Variants in DISC1 observed in about 807,000 individuals in gnomAD.
DISC1 encodes DISC1 scaffold protein.
Under a neutral mutation model 84.5 loss-of-function variants are expected in DISC1, and 57 were observed. That is an observed-to-expected ratio of 0.67 (90% CI 0.55 to 0.84). DISC1 has a LOEUF of 0.84. DISC1 is among the 40% of genes least tolerant of loss of function. The pLI is 0.00. For synonymous variants in DISC1, 411 were observed against 415.2 expected, an observed-to-expected ratio of 0.99 and a Z score of 0.12; for missense variants, 1,000 against 1,057.8, an observed-to-expected ratio of 0.95 and a Z score of 0.76.
Position 231,754,334 on chromosome 1 carries a change from T to C in DISC1, c.1268+4258T>C, listed in dbSNP as rs148196209. ...TCTGCAGGATGTACAGGAAGCATGA[T>C]CTGGCATCTGCTCTGGCTTCTGGGG... On this transcript the variant is annotated intron_variant, in intron 4 of 12. Coordinates refer to ENST00000439617, the MANE Select transcript of DISC1 (RefSeq NM_018662.3). 2.2e-3 allele frequency among the ~76,000 whole-genome samples: 341 copies of C among 152,320 alleles called. 3 individuals carry two copies. Among genetic ancestry groups the C allele is most frequent in the African/African-American group, 7.8e-3 (326 of 41,580 alleles).
intron 9 of DISC1, among the ~76,000 whole-genome samples, chr1:231,888,596 G>A (rs7550677): frequency 0.16 from 23,766 of 151,612 alleles, 2,041 homozygotes; most frequent in East Asian, 0.35. Context: ...AAAATTAGCC[G>A]GGCATGGTGG....
At chr1:231,786,810 C>A (rs1200066160) in intron 6 of DISC1, among the ~76,000 whole-genome samples, 3 of 152,132 alleles carry the variant, frequency 2.0e-5, no homozygotes, top group Non-Finnish European at 4.4e-5. Context: ...CTGCTTGGGC[C>A]TAGAGGTATG....
chr1:231,626,923 G>C lies in DISC1; in HGVS notation c.56G>C (p.Ser19Thr). The change falls in exon 1 of 13, where the codon AGC becomes ACC. Residue 19 changes from serine (S) to threonine (T), a missense_variant. This residue lies in a region of DISC1 where 292 missense variants were observed against 280.2 expected (regional missense o/e 1.04). Transcript: ENST00000439617. ...APAAAGGGGVSHRAGSRDCLP... is the reference protein window; with the variant it reads ...APAAAGGGGVTHRAGSRDCLP... ...GCCGCCGCCGGCGGCGGCGGCGTGA[G>C]CCACCGCGCAGGTAGGGGAGCTGCC... 1 of 1,504,184 alleles carries C rather than the reference G, an allele frequency of 6.6e-7. No homozygotes were observed. Among genetic ancestry groups the C allele is most frequent in the South Asian group, 1.2e-5 (1 of 81,312 alleles). The allele number at this position is 1,504,184 out of a possible 1,614,324, so 93.2% of individuals were successfully genotyped here.
chr1:231,944,586 G>T (rs1049678035), intron 9 of DISC1, among the ~76,000 whole-genome samples: 1 of 152,112 alleles, frequency 6.6e-6, no homozygotes, highest in Non-Finnish European at 1.5e-5. Flanking sequence ...AGCATCCAGG[G>T]TGTTAAACTC....
chr1:231,692,889 TA>T (rs1267026575), intron 1 of DISC1, among the ~76,000 whole-genome samples: 11 of 152,240 alleles, frequency 7.2e-5, no homozygotes, highest in Non-Finnish European at 1.3e-4. Flanking sequence ...TGAATGAAAT[TA>T]ATGTAAATTA....
chr1:231,934,735 G>C (rs1426667742), intron 9 of DISC1, among the ~76,000 whole-genome samples: 2 of 152,244 alleles, frequency 1.3e-5, no homozygotes, highest in African/African-American at 4.8e-5. Context: ...ATTTTGATCA[G>C]GTGGACAAAT....
At chr1:231,679,120 G>A (rs1484091042) in intron 1 of DISC1, among the ~76,000 whole-genome samples, 1 of 152,252 alleles carries the variant, frequency 6.6e-6, no homozygotes, top group Non-Finnish European at 1.5e-5. Flanking sequence ...TTCCTGGCCA[G>A]TTTGTGCCTG....
intron 1 of DISC1, among the ~76,000 whole-genome samples, chr1:231,649,031 T>G (rs2125263698): frequency 6.6e-6 from 1 of 152,346 alleles, no homozygotes; most frequent in East Asian, 1.9e-4. Context: ...ATTGATTTTT[T>G]GAAGGGTTTT....
At chr1:231,689,333 T>C (rs1019559867) in intron 1 of DISC1, among the ~76,000 whole-genome samples, 1 of 152,004 alleles carries the variant, frequency 6.6e-6, no homozygotes, top group African/African-American at 2.4e-5. Context: ...GTGTCTTTTT[T>C]TTTTGTTGTT....
intron 1 of DISC1, chr1:231,670,808 G>A (rs1228168591): frequency 6.6e-6 from 1 of 152,174 alleles, no homozygotes; most frequent in Non-Finnish European, 1.5e-5. Flanking sequence ...CAAGTCCATT[G>A]TCATGATTTA....
intron 1 of DISC1, among the ~76,000 whole-genome samples, chr1:231,690,861 C>T (rs888510050): frequency 2.0e-5 from 3 of 152,158 alleles, no homozygotes; most frequent in African/African-American, 7.2e-5. Context: ...GCTATTCAGG[C>T]CACCTTCTGG....
intron 10 of DISC1, among the ~76,000 whole-genome samples, chr1:231,967,246 A>G (rs1319149912): frequency 6.6e-6 from 1 of 152,202 alleles, no homozygotes; most frequent in Non-Finnish European, 1.5e-5. Context: ...CCTGTGTGTC[A>G]TGGCCAAAAG....
At position 232,028,590 on chromosome 1, in the gene DISC1, GT is replaced by G. The variant is rs1389962389; in HGVS notation, c.2425+2039del. On this transcript the variant is annotated intron_variant, in intron 12 of 12. Coordinates refer to ENST00000439617, the MANE Select transcript of DISC1 (RefSeq NM_018662.3). ...TCTTTAAGCATTAGGGTTCCCATCTGTAATGTCAGGATAACATACACCTCTA... is the reference window on the plus strand; with the variant it reads ...TCTTTAAGCATTAGGGTTCCCATCTGAATGTCAGGATAACATACACCTCTA... 7.2e-5 allele frequency among the ~76,000 whole-genome samples: 11 copies of G among 152,262 alleles called. No homozygotes were observed. The East Asian group carries it at 2.1e-3, about 29-fold the overall frequency.
At chr1:231,664,058 C>CCATT (rs2061794801) in intron 1 of DISC1, among the ~76,000 whole-genome samples, 2 of 151,884 alleles carry the variant, frequency 1.3e-5, no homozygotes, top group Non-Finnish European at 2.9e-5. Context: ...ATCCATCCAT[C>CCATT]CATCCATCCA....
chr1:231,938,621 C>T (rs1403461482), intron 9 of DISC1, among the ~76,000 whole-genome samples: 1 of 152,188 alleles, frequency 6.6e-6, no homozygotes, highest in African/African-American at 2.4e-5. Flanking sequence ...CCGAGTCCTT[C>T]TGTGTTGGAC....
At chr1:231,871,076 C>T (rs898914769) in intron 9 of DISC1, among the ~76,000 whole-genome samples, 21 of 152,072 alleles carry the variant, frequency 1.4e-4, no homozygotes, top group Admixed American at 4.6e-4. Context: ...ATACTGTGTG[C>T]GGGTCTCCAC....
chr1:231,694,717 C>G lies in DISC1; in HGVS notation c.959C>G (p.Ser320Ter). ...AGCGGDGSSG[S>*]GDAHSWDTLL... Reference sequence around the variant, plus strand: ...TGTGGTGGTGATGGGAGCAGCGGCTCAGGGGATGCCCACTCTTGGGACACC... The same window carrying G: ...TGTGGTGGTGATGGGAGCAGCGGCTGAGGGGATGCCCACTCTTGGGACACC... The change falls in exon 2 of 13, where the codon TCA (serine) becomes TGA (stop). Residue 320 changes from serine (S) to a stop codon, truncating the protein, a stop_gained. Transcript: ENST00000439617. LOFTEE classifies it high-confidence loss of function. The G allele has an allele frequency of 6.2e-7, 1 of 1,614,160 alleles. No individual in the cohort carries two copies. Among genetic ancestry groups the G allele is most frequent in the Non-Finnish European group, 8.5e-7 (1 of 1,180,034 alleles).
At chr1:231,758,851 G>T (rs911695425) in intron 4 of DISC1, among the ~76,000 whole-genome samples, 1 of 152,064 alleles carries the variant, frequency 6.6e-6, no homozygotes, top group Admixed American at 6.6e-5. Flanking sequence ...TTTTCCACTG[G>T]ATCTTCACCA....
At chr1:231,710,005 A>G (rs560178757) in intron 3 of DISC1, among the ~76,000 whole-genome samples, 12 of 152,148 alleles carry the variant, frequency 7.9e-5, no homozygotes, top group Non-Finnish European at 1.8e-4. Context: ...CTTGGCCCTA[A>G]GACCTCAGCT....
Sources: allele counts gnomAD v4.1 joint callset (sites outside exome capture counted in the v4.1 genomes callset), GRCh38; gene constraint gnomAD v4.1.1; regional missense constraint gnomAD v4.1.1; transcripts MANE v1.5; gene names NCBI Gene and HGNC (gene_info 2026-07-23, HGNC 2026-07-21).